Variants in VRK2 observed in about 807,000 individuals in gnomAD.
VRK2 encodes the protein VRK serine/threonine kinase 2.
A neutral mutation model predicts 57.6 loss-of-function variants in VRK2; 60 were observed. The ratio of observed to expected loss-of-function variants is 1.04; its 90% CI spans 0.85 to 1.29. VRK2 has a LOEUF of 1.29. Among genes scored for constraint, VRK2 ranks in the 50% most tolerant of loss-of-function variants. The pLI is 0.00. For synonymous variants in VRK2, 231 were observed against 199.2 expected (o/e 1.16, Z -1.35); for missense variants, 705 against 588.1 (o/e 1.20, Z -2.06).
intron 9 of VRK2, among the ~76,000 whole-genome samples, chr2:58,134,500 A>G (rs1679691100): frequency 6.6e-6 from 1 of 150,796 alleles, no homozygotes; most frequent in African/African-American, 2.4e-5. Context: ...AGTCCCAGCT[A>G]CTCGGGAGGC....
chr2:58,149,323 G>A (rs1245837129), intron 12 of VRK2, among the ~76,000 whole-genome samples: 1 of 151,536 alleles, frequency 6.6e-6, no homozygotes, highest in Non-Finnish European at 1.5e-5. Context: ...CTGGTATATA[G>A]AAATAGAATT....
At chr2:58,046,685 C>T (rs1674788127), upstream of VRK2, 2 of 985,598 alleles carry the variant, frequency 2.0e-6, no homozygotes, top group Non-Finnish European at 1.2e-6. Context: ...CTGTGTGAGG[C>T]TCCGCGGGCC....
intron 1 of VRK2, among the ~76,000 whole-genome samples, chr2:58,003,009 T>C (rs963303449): frequency 1.3e-5 from 2 of 152,244 alleles, no homozygotes; most frequent in African/African-American, 4.8e-5. Context: ...AATTAGTTAA[T>C]GATTCTAGTG....
intron 12 of VRK2, among the ~76,000 whole-genome samples, chr2:58,154,122 T>A (rs930288299): frequency 6.6e-6 from 1 of 152,114 alleles, no homozygotes; most frequent in African/African-American, 2.4e-5. Context: ...ATCCCTTAAA[T>A]GCCTGTGGGG....
At chr2:57,928,565 A>G (rs1670618123) in intron 1 of VRK2, among the ~76,000 whole-genome samples, 1 of 152,102 alleles carries the variant, frequency 6.6e-6, no homozygotes, top group Non-Finnish European at 1.5e-5. Context: ...TGGTGAGGTC[A>G]GGTTTTCCTG....
At chr2:58,116,608 C>G (rs35910730) in intron 7 of VRK2, among the ~76,000 whole-genome samples, 1 of 152,124 alleles carries the variant, frequency 6.6e-6, no homozygotes, top group African/African-American at 2.4e-5. Flanking sequence ...GACTTACCCT[C>G]CACTCTGAGA....
At chr2:58,015,034 T>C (rs1317275831) in intron 1 of VRK2, among the ~76,000 whole-genome samples, 1 of 152,234 alleles carries the variant, frequency 6.6e-6, no homozygotes, top group Admixed American at 6.5e-5. Flanking sequence ...CTATAATTGG[T>C]AATTTGTTAC....
chr2:58,063,283 C>G (rs1677637935), intron 2 of VRK2, among the ~76,000 whole-genome samples: 1 of 148,834 alleles, frequency 6.7e-6, no homozygotes, highest in East Asian at 2.0e-4. Context: ...ACAACTGTCC[C>G]TCACCTATTT....
chr2:58,053,914 T>G (rs182654794), intron 2 of VRK2, among the ~76,000 whole-genome samples: 1 of 152,242 alleles, frequency 6.6e-6, no homozygotes, highest in Admixed American at 6.5e-5. Context: ...AACTATAGTG[T>G]TTATGATAAA....
intron 12 of VRK2, among the ~76,000 whole-genome samples, chr2:58,157,339 T>C (rs1684050534): frequency 6.6e-6 from 1 of 152,178 alleles, no homozygotes; most frequent in South Asian, 2.1e-4. Context: ...AGCTGCACTG[T>C]TGACATTTGG....
At chr2:58,048,775 T>C in intron 1 of VRK2, 52 bp from the exon 2 acceptor site, 1 of 1,588,640 alleles carries the variant, frequency 6.3e-7, no homozygotes, top group Non-Finnish European at 8.6e-7. Flanking sequence ...TTTAAGAGTT[T>C]TGTTTGTTTG....
intron 1 of VRK2, among the ~76,000 whole-genome samples, chr2:58,000,009 C>A (rs925825978): frequency 6.6e-6 from 1 of 150,718 alleles, no homozygotes; most frequent in African/African-American, 2.4e-5. Flanking sequence ...CACATGCACA[C>A]ACGCACACAC....
chr2:57,980,279 A>C (rs1395841397), intron 1 of VRK2, among the ~76,000 whole-genome samples: 1 of 152,002 alleles, frequency 6.6e-6, no homozygotes, highest in African/African-American at 2.4e-5. Flanking sequence ...TTTTGCCCTA[A>C]TTTCATTCTT....
At chr2:58,045,467 A>T (rs7601969), upstream of VRK2, among the ~76,000 whole-genome samples, 3,167 of 152,302 alleles carry the variant, frequency 0.021, 130 homozygotes, top group African/African-American at 0.073. Flanking sequence ...GGATATTAGG[A>T]TTATTATGCA....
In VRK2 at chr2:57,937,900, C is replaced by T. The variant is rs546479451; in HGVS notation, c.-439+30061C>T. 2.8e-5 allele frequency among the ~76,000 whole-genome samples: 4 copies of T among 141,292 alleles called. No individual in the cohort carries two copies. In the South Asian group the frequency reaches 6.7e-4, roughly 24 times the overall value. 92.7% of individuals were successfully genotyped at this position (141,292 alleles called of 152,430 possible). ...AGGCTGGAGTGCAATGGCATGATCT[C>T]GGCTCACTGCAACCTCCACCTCCTG... On this transcript the variant is annotated intron_variant, in intron 1 of 15. Coordinates refer to the VRK2 transcript ENST00000417641.
At chr2:58,141,400 C>A (rs979546601) in intron 11 of VRK2, among the ~76,000 whole-genome samples, 2 of 151,802 alleles carry the variant, frequency 1.3e-5, no homozygotes, top group African/African-American at 2.4e-5. Context: ...GTTGTGAAAC[C>A]ATTTTTATAT....
intron 8 of VRK2, among the ~76,000 whole-genome samples, chr2:58,129,799 C>G (rs553625259): frequency 1.3e-5 from 2 of 152,098 alleles, no homozygotes; most frequent in Non-Finnish European, 2.9e-5. Context: ...TTTTTAGTCA[C>G]TCTTCAGTGT....
intron 7 of VRK2, among the ~76,000 whole-genome samples, chr2:58,115,358 A>T (rs1318782627): frequency 6.6e-6 from 1 of 152,216 alleles, no homozygotes; most frequent in African/African-American, 2.4e-5. Context: ...GAGTGAGTTC[A>T]GCTGAAGGAG....
At chr2:58,002,068 C>T (rs1673106819) in intron 1 of VRK2, among the ~76,000 whole-genome samples, 1 of 151,924 alleles carries the variant, frequency 6.6e-6, no homozygotes, top group African/African-American at 2.4e-5. Flanking sequence ...GGTAGCAACT[C>T]AATAAATATT....
Sources: allele counts gnomAD v4.1 joint callset (sites outside exome capture counted in the v4.1 genomes callset), GRCh38; gene constraint gnomAD v4.1.1; transcripts MANE v1.5; gene names NCBI Gene and HGNC (gene_info 2026-07-23, HGNC 2026-07-21).